The following CNTLN variants were observed in gnomAD, a reference collection of about 807,000 sequenced individuals.
CNTLN encodes the protein centlein, also known as centlein, centrosomal protein.
Under a neutral mutation model 180.0 loss-of-function variants are expected in CNTLN, and 212 were observed. The ratio of observed to expected loss-of-function variants is 1.18; its 90% CI spans 1.05 to 1.32. CNTLN has a LOEUF of 1.32. Ranked by LOEUF, CNTLN falls within the 40% of genes most tolerant of loss-of-function variation. CNTLN has a pLI of 0.00. For synonymous variants in CNTLN, 722 were observed against 563.1 expected, an observed-to-expected ratio of 1.28 and a Z score of -3.99; for missense variants, 2,095 against 1,610.9, an observed-to-expected ratio of 1.30 and a Z score of -5.14.
chr9:17,276,962 C>T (rs562377569), intron 6 of CNTLN, among the ~76,000 whole-genome samples: 3 of 152,124 alleles, frequency 2.0e-5, no homozygotes, highest in Non-Finnish European at 4.4e-5. Flanking sequence ...TAATGATGTA[C>T]ATGTCTGTAA....
At chr9:17,264,130 C>T in intron 5 of CNTLN, among the ~76,000 whole-genome samples, 1 of 143,488 alleles carries the variant, frequency 7.0e-6, no homozygotes, top group Admixed American at 6.9e-5. Flanking sequence ...TGCCTATGTC[C>T]TGAATGGTAT....
intron 23 of CNTLN, among the ~76,000 whole-genome samples, chr9:17,469,424 A>G (rs561316714): frequency 2.6e-5 from 4 of 151,858 alleles, no homozygotes; most frequent in Non-Finnish European, 5.9e-5. Flanking sequence ...CCAAAACCAT[A>G]TATTGATGGC....
At chr9:17,342,534 A>G (rs1237325953) in intron 12 of CNTLN, 90 bp downstream of exon 12, 2 of 1,168,586 alleles carry the variant, frequency 1.7e-6, no homozygotes, top group East Asian at 2.6e-5. Context: ...AACACTTTAT[A>G]AAATTTGAAA....
At chr9:17,256,609 T>A (rs368279420) in intron 5 of CNTLN, among the ~76,000 whole-genome samples, 235 of 151,998 alleles carry the variant, frequency 1.5e-3, no homozygotes, top group African/African-American at 5.3e-3. Context: ...TTTGCAATTC[T>A]AGAATCATGC....
At chr9:17,309,388 T>G in intron 8 of CNTLN, 136 bp downstream of exon 8, 1 of 629,456 alleles carries the variant, frequency 1.6e-6, no homozygotes, top group South Asian at 3.8e-5. Context: ...TTTTGCATTA[T>G]ACTGTTTTTA....
chr9:17,392,091 G>A (rs373170261), intron 14 of CNTLN, among the ~76,000 whole-genome samples: 4 of 152,028 alleles, frequency 2.6e-5, no homozygotes, highest in Middle Eastern at 3.4e-3. Flanking sequence ...AACACAATGC[G>A]ACCCCATCTC....
chr9:17,170,766 T>C (rs1820372029), intron 2 of CNTLN, among the ~76,000 whole-genome samples: 1 of 151,786 alleles, frequency 6.6e-6, no homozygotes, highest in African/African-American at 2.4e-5. Flanking sequence ...CTTGAAACAA[T>C]TAGACTCATT....
intron 2 of CNTLN, among the ~76,000 whole-genome samples, chr9:17,202,770 A>T (rs189594441): frequency 6.7e-6 from 1 of 149,420 alleles, no homozygotes; most frequent in Admixed American, 6.8e-5. Flanking sequence ...CAGCACACCC[A>T]TGGGTCTTGA....
chr9:17,199,534 T>A (rs1290422324), intron 2 of CNTLN, among the ~76,000 whole-genome samples: 1 of 152,198 alleles, frequency 6.6e-6, no homozygotes, highest in Non-Finnish European at 1.5e-5. Flanking sequence ...ATAATCACCA[T>A]TCTAACTGGC....
chr9:17,472,029 T>C (rs1450189453), intron 23 of CNTLN, among the ~76,000 whole-genome samples: 1 of 152,106 alleles, frequency 6.6e-6, no homozygotes, highest in Admixed American at 6.5e-5. Context: ...AGATACACTT[T>C]GGATGGGAAA....
intron 2 of CNTLN, among the ~76,000 whole-genome samples, chr9:17,172,560 A>G (rs1416307315): frequency 6.6e-6 from 1 of 152,090 alleles, no homozygotes; most frequent in African/African-American, 2.4e-5. Flanking sequence ...GAAGGCTGGT[A>G]TTTCTTACTC....
At chr9:17,518,942 T>G in the CNTLN span, among the ~76,000 whole-genome samples, 2 of 152,200 alleles carry the variant, frequency 1.3e-5, no homozygotes, top group South Asian at 4.2e-4. Flanking sequence ...TTTGTTTAGT[T>G]TTTGAGACAG....
In CNTLN at chr9:17,359,198, T is replaced by C. The variant is rs148214112; in HGVS notation, c.1887-7419T>C. On this transcript the variant is annotated intron_variant, in intron 12 of 25. Transcript: ENST00000380647. Reference sequence around the variant, plus strand: ...CATGCCTGGCTAATTTTTTGTACTTTTGTAGAGATAGGGTTATGCCATGTT... The same window carrying C: ...CATGCCTGGCTAATTTTTTGTACTTCTGTAGAGATAGGGTTATGCCATGTT... Among the ~76,000 whole-genome samples the C allele has an allele frequency of 3.7e-3, 557 of 152,112 alleles. 4 individuals carry two copies. Among genetic ancestry groups the C allele is most frequent in the African/African-American group, 0.013 (536 of 41,512 alleles).
At chr9:17,451,378 T>C (rs1476058683) in intron 18 of CNTLN, among the ~76,000 whole-genome samples, 2 of 152,232 alleles carry the variant, frequency 1.3e-5, no homozygotes, top group African/African-American at 2.4e-5. Context: ...ATTATGAGAA[T>C]GTAAATGAAC....
intron 5 of CNTLN, among the ~76,000 whole-genome samples, chr9:17,248,974 A>T (rs1368816834): frequency 6.6e-6 from 1 of 151,902 alleles, no homozygotes; most frequent in Non-Finnish European, 1.5e-5. Flanking sequence ...TTAGTAATCT[A>T]GCTAAGGGTT....
At chr9:17,512,173 A>C in the CNTLN span, among the ~76,000 whole-genome samples, 2 of 152,202 alleles carry the variant, frequency 1.3e-5, no homozygotes, top group Non-Finnish European at 2.9e-5. Flanking sequence ...CCTTTCTCAG[A>C]TTTGAACTGT....
chr9:17,263,963 G>T (rs937911845), intron 5 of CNTLN, among the ~76,000 whole-genome samples: 1 of 143,324 alleles, frequency 7.0e-6, no homozygotes, highest in Admixed American at 6.9e-5. Flanking sequence ...AGATGAGTAG[G>T]TTGCGAAAAT....
At chr9:17,523,518 T>G in the CNTLN span, among the ~76,000 whole-genome samples, 1 of 152,186 alleles carries the variant, frequency 6.6e-6, no homozygotes, top group Non-Finnish European at 1.5e-5. Flanking sequence ...ATTACAGGTG[T>G]GCGCCACCAT....
chr9:17,323,970 G>C (rs1050949846), intron 8 of CNTLN, among the ~76,000 whole-genome samples: 1 of 152,128 alleles, frequency 6.6e-6, no homozygotes, highest in Non-Finnish European at 1.5e-5. Flanking sequence ...CACAGGTGGC[G>C]TAGCTTTCTT....
Sources: gnomAD v4.1 joint callset for allele counts (sites outside exome capture counted in the v4.1 genomes callset) on GRCh38, gnomAD v4.1.1 for gene constraint, MANE v1.5 for transcripts, NCBI Gene and HGNC (gene_info 2026-07-23, HGNC 2026-07-21) for gene names.